ZNF596: variants seen among roughly 807,000 people sequenced by gnomAD.
The protein encoded by ZNF596 is zinc finger protein 596.
Under a neutral mutation model 48.3 loss-of-function variants are expected in ZNF596, and 45 were observed. That is an observed-to-expected ratio of 0.93 (90% CI 0.73 to 1.19). The LOEUF is 1.19. Among genes scored for constraint, ZNF596 ranks in the 50% most tolerant of loss-of-function variants. ZNF596 has a pLI of 0.00. For synonymous variants in ZNF596, 270 were observed against 202.0 expected (o/e 1.34, Z -2.85); for missense variants, 848 against 599.7 (o/e 1.41, Z -4.32).
At chr8:232,447 C>T (rs1376335425), upstream of ZNF596, 1 of 258,236 alleles carries the variant, frequency 3.9e-6, no homozygotes, top group Non-Finnish European at 8.2e-6. Flanking sequence ...TGGCCAAACC[C>T]AGCCACGCAG....
At chr8:233,686 A>G (rs1449410896) in intron 1 of ZNF596, 1 of 152,268 alleles carries the variant, frequency 6.6e-6, no homozygotes, top group East Asian at 1.9e-4. Flanking sequence ...TAGACTGCTC[A>G]AAGATATTTC....
At position 241,056 on chromosome 8, in the gene ZNF596, G is replaced by A. The variant is rs998598700; in HGVS notation, c.12+149G>A. 3.1e-6 allele frequency: 3 copies of A among 974,856 alleles called. No homozygotes were observed. In the African/African-American group the frequency reaches 4.8e-5, roughly 16 times the overall value. 60.4% of individuals were successfully genotyped at this position (974,856 alleles called of 1,614,324 possible). A position where few individuals can be genotyped will look rare whatever the true frequency, so the allele number is the denominator to read the frequency against. On this transcript the variant is annotated intron_variant, in intron 2 of 5. Transcript: ENST00000398612. ...CCAGGGCTTCGGAATGTTTACATTGGCTCAAAGAGTCATCAAGAAGTAATG... is the reference window on the plus strand; with the variant it reads ...CCAGGGCTTCGGAATGTTTACATTGACTCAAAGAGTCATCAAGAAGTAATG...
chr8:240,996 G>C (rs992552338), intron 2 of ZNF596, 89 bp downstream of exon 2: 2 of 1,483,442 alleles, frequency 1.3e-6, no homozygotes, highest in African/African-American at 2.8e-5. Flanking sequence ...GATGTTCTAA[G>C]TGCACTCAAG....
chr8:241,256 G>A (rs1796843673), intron 2 of ZNF596, among the ~76,000 whole-genome samples: 1 of 152,138 alleles, frequency 6.6e-6, no homozygotes, highest in African/African-American at 2.4e-5. Flanking sequence ...GAGTGGGCTT[G>A]AGAGTATATG....
In ZNF596 at chr8:245,313, C is replaced by G. The variant is rs907996972; in HGVS notation, c.466C>G (p.Gln156Glu). The change falls in exon 6 of 6, where the codon CAA (glutamine) becomes GAA (glutamate). Residue 156 changes from glutamine to glutamate, a missense_variant. By Grantham distance (29) the Gln-to-Glu change is conservative. Coordinates refer to ENST00000398612, the MANE Select transcript of ZNF596 (RefSeq NM_001042416.3). ...CTTCAGTGACTGGTTATCCTTTAAT[C>G]AACACAAGGAAATTCACACCAAATG... ...KIFSDWLSFN[Q>E]HKEIHTKCKS... The G allele has an allele frequency of 6.2e-7, 1 of 1,614,002 alleles. No individual in the cohort carries two copies.
rs748210361 is a variant in ZNF596, at chr8:245,688, T to A, written c.841T>A (p.Cys281Ser). The A allele has an allele frequency of 1.9e-6, 3 of 1,614,084 alleles. No homozygotes were observed. The highest frequency in any genetic ancestry group is 3.3e-5 in the Admixed American group (2 of 60,020). Reference protein sequence around the residue: ...MIHTREKAQICHLCGKAFTHC... With the variant: ...MIHTREKAQISHLCGKAFTHC... The stretch of plus-strand genomic sequence containing the variant: ...TCACACTAGAGAAAAAGCACAGATA[T>A]GCCATCTATGTGGGAAAGCCTTCAC... Residue 281 changes from cysteine (C) to serine (S), a missense_variant, in exon 6 of 6, where the codon TGC becomes AGC. By Grantham distance (112) the Cys-to-Ser change is moderately radical (BLOSUM62 -1). Transcript: ENST00000398612.
rs1024909944 is a variant in ZNF596, at chr8:246,105, G to A, written c.1258G>A (p.Glu420Lys). The change falls in exon 6 of 6, where the codon GAA becomes AAA. Residue 420 changes from glutamate (E) to lysine (K), a missense_variant. Coordinates refer to ENST00000398612, the MANE Select transcript of ZNF596 (RefSeq NM_001042416.3). The part of the protein sequence containing the change: ...ERTHTGEKPY[E>K]CHLCGKAFNH... The stretch of plus-strand genomic sequence containing the variant: ...AACTCACACTGGAGAAAAACCATAT[G>A]AATGCCATCTATGCGGAAAAGCCTT... 3.7e-6 allele frequency: 6 copies of A among 1,613,282 alleles called. No individual in the cohort carries two copies. In the African/African-American group the frequency reaches 6.7e-5, roughly 18 times the overall value.
intron 1 of ZNF596, chr8:233,013 G>C (rs1796476477): frequency 4.3e-6 from 2 of 468,662 alleles, no homozygotes; most frequent in Admixed American, 2.4e-5. Flanking sequence ...CTCTTCCTTG[G>C]CAGGGGCTTC....
chr8:243,927 A>C, intron 4 of ZNF596, 122 bp downstream of exon 4: 1 of 774,966 alleles, frequency 1.3e-6, no homozygotes, highest in Non-Finnish European at 2.0e-6. Flanking sequence ...TCACTCTGTC[A>C]CCCAGGCTGG....
At chr8:234,647 G>C (rs914942678) in intron 1 of ZNF596, 1 of 152,196 alleles carries the variant, frequency 6.6e-6, no homozygotes, top group African/African-American at 2.4e-5. Flanking sequence ...CTTAAGTGTT[G>C]TTTTTAGGAT....
rs1383138278 is a variant in ZNF596, at chr8:245,877, TTC to T, written c.1035_1036del (p.His346LeufsTer5). On this transcript the variant is annotated frameshift_variant, in exon 6 of 6. Coordinates refer to ENST00000398612, the MANE Select transcript of ZNF596 (RefSeq NM_001042416.3). LOFTEE classifies it high-confidence loss of function. ...TGAATGTCATCTATGTGGAAAAGCC[TTC>T]TCTCATTGTTCTCACCTTAGACAAC... ...PYECHLCGKA[F>X]SHCSHLRQHE... 1.2e-6 allele frequency: 2 copies of T among 1,614,020 alleles called. No individual in the cohort carries two copies. Among genetic ancestry groups the T allele is most frequent in the Non-Finnish European group, 1.7e-6 (2 of 1,179,992 alleles).
At chr8:233,014 C>T (rs555117192) in intron 1 of ZNF596, 1 of 468,470 alleles carries the variant, frequency 2.1e-6, no homozygotes, top group East Asian at 6.9e-5. Flanking sequence ...TCTTCCTTGG[C>T]AGGGGCTTCT....
chr8:238,714 G>T (rs948818423), intron 1 of ZNF596, among the ~76,000 whole-genome samples: 10 of 151,536 alleles, frequency 6.6e-5, no homozygotes, highest in Non-Finnish European at 1.5e-4. Flanking sequence ...GGCTGAGGCA[G>T]GAGAATCACT....
chr8:243,147 C>G (rs1796922485), intron 3 of ZNF596, 134 bp downstream of exon 3: 2 of 695,034 alleles, frequency 2.9e-6, no homozygotes, highest in East Asian at 3.2e-5. Context: ...TGCTTTGATC[C>G]TTTCATAACT....
intron 5 of ZNF596, 101 bp from the exon 6 acceptor site, chr8:245,053 A>G (rs1797006962): frequency 2.9e-6 from 4 of 1,365,506 alleles, no homozygotes; most frequent in Non-Finnish European, 2.0e-6. Context: ...GGAGTCTACC[A>G]CTGAATGATT....
Position 232,633 on chromosome 8 carries a change from T to G in ZNF596, c.-134T>G, listed in dbSNP as rs1191803656. The G allele has an allele frequency of 2.8e-6, 1 of 351,766 alleles. No individual in the cohort carries two copies. The highest frequency in any genetic ancestry group is 4.2e-5 in the Admixed American group (1 of 23,718). 21.8% of individuals were successfully genotyped at this position (351,766 alleles called of 1,614,324 possible). A position where few individuals can be genotyped will look rare whatever the true frequency, so the allele number is the denominator to read the frequency against. On this transcript the variant is annotated 5_prime_UTR_variant, in exon 1 of 6. Coordinates refer to ENST00000398612, the MANE Select transcript of ZNF596 (RefSeq NM_001042416.3). Reference sequence around the variant, plus strand: ...CCGGTTCCGTCACTGAGGTCGCCCCTGTCCGGCCCTTCCACCCTAGTTCTC... The same window carrying G: ...CCGGTTCCGTCACTGAGGTCGCCCCGGTCCGGCCCTTCCACCCTAGTTCTC...
In ZNF596 at chr8:243,796, T is replaced by C. The variant is rs2117105422; in HGVS notation, c.214T>C (p.Leu72=). ...VEKLSTQRIS[L]LQGREVGIKH... is the part of the protein sequence containing the mutation. ...GAAACTTTCAACACAAAGAATAAGC[T>C]TACTGCAAGGTGAGCTCTAAGAAGC... Residue 72 remains leucine (L), a synonymous_variant, in exon 4 of 6, where the codon TTA becomes CTA. Coordinates refer to ENST00000398612, the MANE Select transcript of ZNF596 (RefSeq NM_001042416.3). 6.2e-7 allele frequency: 1 copy of C among 1,613,210 alleles called. No homozygotes were observed. Among genetic ancestry groups the C allele is most frequent in the East Asian group, 2.2e-5 (1 of 44,850 alleles).
chr8:233,669 TAATG>T (rs989889165), intron 1 of ZNF596: 1 of 152,382 alleles, frequency 6.6e-6, no homozygotes, highest in African/African-American at 2.4e-5. Flanking sequence ...CATGTGTTCA[TAATG>T]AATAGACTGC....
chr8:244,373 G>A (rs1796974410), intron 4 of ZNF596: 2 of 497,224 alleles, frequency 4.0e-6, no homozygotes, highest in Non-Finnish European at 7.1e-6. Context: ...TTACATACTA[G>A]CCCTTTATAA....
Sources: allele counts gnomAD v4.1 joint callset (sites outside exome capture counted in the v4.1 genomes callset), GRCh38; gene constraint gnomAD v4.1.1; transcripts MANE v1.5; gene names NCBI Gene and HGNC (gene_info 2026-07-23, HGNC 2026-07-21).